Variants in PPFIA2 observed in about 807,000 individuals in gnomAD.
PPFIA2 encodes PPFI scaffold protein A2, also known as liprin-alpha-2.
Under a neutral mutation model 175.5 loss-of-function variants are expected in PPFIA2, and 46 were observed. That is an observed-to-expected ratio of 0.26 (90% confidence interval 0.21 to 0.34). The LOEUF (loss-of-function observed/expected upper bound fraction) is 0.34. PPFIA2 is among the 10% of genes least tolerant of loss of function. The probability of loss-of-function intolerance (pLI) is 1.00; values close to 1 mark genes in which losing one functional copy is unlikely to be tolerated. For synonymous variants in PPFIA2, 568 were observed against 511.4 expected, an observed-to-expected ratio of 1.11 and a Z score of -1.49; for missense variants, 1,179 against 1,506.1, an observed-to-expected ratio of 0.78 and a Z score of 3.60.
chr12:81,496,012 T>A (rs538938750), intron 4 of PPFIA2, among the ~76,000 whole-genome samples: 1 of 152,320 alleles, frequency 6.6e-6, no homozygotes, highest in East Asian at 1.9e-4. Flanking sequence ...GAAGTGATAT[T>A]ATGACTTAAT....
rs34688540 is a variant in PPFIA2 at position 81,376,417 on chromosome 12, CAA to C, written c.985-477_985-476del. 5.5e-4 allele frequency among the ~76,000 whole-genome samples: 79 copies of C among 143,026 alleles called. 1 individual carries two copies. The highest frequency in any genetic ancestry group is 1.9e-3 in the African/African-American group (76 of 40,038). 93.8% of individuals were successfully genotyped at this position (143,026 alleles called of 152,430 possible). ...GAACTCTGTGGTTAAAAGGCCAGGC[CAA>C]AAAAAAAAATAGTACATTTGGATCT... On this transcript the variant is annotated intron_variant, in intron 9 of 32. Coordinates refer to ENST00000549396, the MANE Select transcript of PPFIA2 (RefSeq NM_003625.5).
chr12:81,695,762 C>G (rs1304413289), intron 3 of PPFIA2, among the ~76,000 whole-genome samples: 4 of 152,158 alleles, frequency 2.6e-5, no homozygotes, highest in African/African-American at 9.7e-5. Flanking sequence ...GCAAACTTTT[C>G]TGCTCAAATG....
chr12:81,281,198 A>G (rs907336994), intron 27 of PPFIA2, 59 bp downstream of exon 27: 4 of 1,288,926 alleles, frequency 3.1e-6, no homozygotes, highest in Admixed American at 2.9e-5. Context: ...ACTAAAGTAT[A>G]GGTAATATAT....
intron 4 of PPFIA2, among the ~76,000 whole-genome samples, chr12:81,488,108 G>A (rs2059027872): frequency 6.6e-6 from 1 of 151,814 alleles, no homozygotes; most frequent in East Asian, 1.9e-4. Context: ...AACAGTTAGG[G>A]AGGTTTGATG....
At chr12:81,377,838 G>GAT (rs2036732706) in intron 9 of PPFIA2, among the ~76,000 whole-genome samples, 1 of 152,030 alleles carries the variant, frequency 6.6e-6, no homozygotes, top group South Asian at 2.1e-4. Flanking sequence ...TCAGTGTACT[G>GAT]GGGCTAATAA....
At chr12:81,274,638 T>C (rs1029335935) in intron 28 of PPFIA2, among the ~76,000 whole-genome samples, 1 of 152,208 alleles carries the variant, frequency 6.6e-6, no homozygotes, top group African/African-American at 2.4e-5. Flanking sequence ...TAGAAATCAG[T>C]GTTGACTGCT....
chr12:81,452,198 G>A (rs191062863), intron 5 of PPFIA2, among the ~76,000 whole-genome samples: 39 of 152,172 alleles, frequency 2.6e-4, no homozygotes, highest in African/African-American at 5.8e-4. Context: ...GATGGCCCAG[G>A]TAATCTAAAT....
chr12:81,492,782 A>G (rs2059552819), intron 4 of PPFIA2, among the ~76,000 whole-genome samples: 1 of 152,070 alleles, frequency 6.6e-6, no homozygotes. Flanking sequence ...ACATGGTCAG[A>G]TTTCTGTATA....
At chr12:81,658,913 G>T (rs1319015571) in intron 4 of PPFIA2, among the ~76,000 whole-genome samples, 3 of 152,066 alleles carry the variant, frequency 2.0e-5, no homozygotes, top group Non-Finnish European at 4.4e-5. Context: ...AACACTTGAA[G>T]TAAAATAATT....
intron 21 of PPFIA2, among the ~76,000 whole-genome samples, chr12:81,337,196 T>C (rs1043185263): frequency 6.6e-6 from 1 of 152,222 alleles, no homozygotes; most frequent in Non-Finnish European, 1.5e-5. Flanking sequence ...TCACCATTTA[T>C]GTAGCTTCTA....
rs1555549557 is a variant in PPFIA2 at position 81,642,733 on chromosome 12, A to ATGTATGTATTACATACATG, written c.303+34057_303+34058insCATGTATGTAATACATACA. ...ATGTATGTATTATATACATACATGTATATGTATGTATGTATTATATACATA... is the reference window on the plus strand; with the variant it reads ...ATGTATGTATTATATACATACATGTATGTATGTATTACATACATGTATGTATGTATGTATTATATACATA... On this transcript the variant is annotated intron_variant, in intron 4 of 32. Coordinates refer to ENST00000549396, the MANE Select transcript of PPFIA2 (RefSeq NM_003625.5). Among the ~76,000 whole-genome samples the ATGTATGTATTACATACATG allele has an allele frequency of 9.9e-4, 8 of 8,116 alleles. 3 individuals are homozygous for ATGTATGTATTACATACATG. Among genetic ancestry groups the ATGTATGTATTACATACATG allele is most frequent in the African/African-American group, 4.3e-3 (8 of 1,866 alleles). The allele number at this position is 8,116 out of a possible 152,430, so 5.3% of individuals were successfully genotyped here. A position where few individuals can be genotyped will look rare whatever the true frequency, so the allele number is the denominator to read the frequency against.
chr12:81,558,913 A>T, intron 4 of PPFIA2, among the ~76,000 whole-genome samples: 1 of 152,202 alleles, frequency 6.6e-6, no homozygotes, highest in Admixed American at 6.5e-5. Context: ...TCAAAAGGCC[A>T]AAATATAGTC....
chr12:81,660,319 T>C (rs2068587522), intron 4 of PPFIA2, among the ~76,000 whole-genome samples: 1 of 152,050 alleles, frequency 6.6e-6, no homozygotes, highest in Non-Finnish European at 1.5e-5. Flanking sequence ...GATGAATGGC[T>C]AACTAGAATA....
At chr12:81,754,357 T>C in intron 2 of PPFIA2, 134 bp from the exon 3 acceptor site, 1 of 1,089,794 alleles carries the variant, frequency 9.2e-7, no homozygotes, top group Non-Finnish European at 1.3e-6. Flanking sequence ...TTGCCCCAAA[T>C]CCAGCCAAGC....
intron 3 of PPFIA2, among the ~76,000 whole-genome samples, chr12:81,702,147 T>C (rs2076565531): frequency 6.6e-6 from 1 of 151,308 alleles, no homozygotes. Flanking sequence ...TAAGTTCTCA[T>C]TCTGAGACCT....
chr12:81,594,413 A>G (rs575019709), intron 4 of PPFIA2, among the ~76,000 whole-genome samples: 1 of 152,172 alleles, frequency 6.6e-6, no homozygotes, highest in African/African-American at 2.4e-5. Context: ...AAATAAATAT[A>G]TCTTAAACAG....
chr12:81,376,060 T>C lies in PPFIA2; in HGVS notation c.985-118A>G, dbSNP rs76155412. 2.7e-4 allele frequency: 242 copies of C among 882,848 alleles called. 1 individual carries two copies. The East Asian group carries it at 6.2e-3, about 23-fold the overall frequency. The allele number at this position is 882,848 out of a possible 1,614,324, so 54.7% of individuals were successfully genotyped here. On this transcript the variant is annotated intron_variant, in intron 9 of 32. Coordinates refer to ENST00000549396, the MANE Select transcript of PPFIA2 (RefSeq NM_003625.5). Reference sequence around the variant, plus strand: ...ATTGCATTCTTGAAGTAAATACTCATTCCTTTCTTTTCATTGAACGAATGT... The same window carrying C: ...ATTGCATTCTTGAAGTAAATACTCACTCCTTTCTTTTCATTGAACGAATGT...
chr12:81,743,135 A>C (rs2082533745), intron 3 of PPFIA2, among the ~76,000 whole-genome samples: 1 of 151,688 alleles, frequency 6.6e-6, no homozygotes, highest in Non-Finnish European at 1.5e-5. Context: ...AAAAACAAAC[A>C]AGGCTGGGCA....
chr12:81,748,078 G>A (rs2083283645), intron 3 of PPFIA2, among the ~76,000 whole-genome samples: 1 of 144,174 alleles, frequency 6.9e-6, no homozygotes, highest in South Asian at 2.3e-4. Context: ...AAAGGAAGGA[G>A]CCCCAATTCA....
Sources: gnomAD v4.1 joint callset for allele counts (sites outside exome capture counted in the v4.1 genomes callset) on GRCh38, gnomAD v4.1.1 for gene constraint, MANE v1.5 for transcripts, NCBI Gene and HGNC (gene_info 2026-07-23, HGNC 2026-07-21) for gene names.